The following SUCLG2 variants were observed in gnomAD, a reference collection of about 807,000 sequenced individuals.
SUCLG2 encodes succinate--CoA ligase [GDP-forming] subunit beta, mitochondrial.
Under a neutral mutation model 47.9 loss-of-function variants are expected in SUCLG2, and 42 were observed. The observed-to-expected ratio is 0.88, with a 90% confidence interval of 0.69 to 1.14. SUCLG2 has a LOEUF of 1.14. SUCLG2 is among the 50% of genes most tolerant of loss of function. The pLI is 0.00. For missense variants in SUCLG2, 571 were observed against 525.9 expected, an observed-to-expected ratio of 1.09 and a Z score of -0.84; for synonymous variants, 195 against 197.3, an observed-to-expected ratio of 0.99 and a Z score of 0.10.
chr3:67,488,070 TTATATGA>T (rs1705104343), intron 9 of SUCLG2, among the ~76,000 whole-genome samples: 1 of 151,990 alleles, frequency 6.6e-6, no homozygotes, highest in African/African-American at 2.4e-5. Flanking sequence ...ATATTGTCAA[TTATATGA>T]TATAAGTCTA....
chr3:67,639,202 T>A (rs1277322980), intron 1 of SUCLG2, among the ~76,000 whole-genome samples: 2 of 152,208 alleles, frequency 1.3e-5, no homozygotes, highest in Non-Finnish European at 2.9e-5. Flanking sequence ...TATCAGTAAT[T>A]TACCAAGCCC....
intron 10 of SUCLG2, among the ~76,000 whole-genome samples, chr3:67,363,842 C>T (rs911486052): frequency 5.5e-5 from 8 of 145,998 alleles, no homozygotes; most frequent in African/African-American, 1.8e-4. Context: ...AATTTCTGGA[C>T]ATTCTACATC....
chr3:67,625,909 G>C (rs1700818199), intron 1 of SUCLG2, among the ~76,000 whole-genome samples: 1 of 152,048 alleles, frequency 6.6e-6, no homozygotes, highest in African/African-American at 2.4e-5. Context: ...GAGTGCCCCT[G>C]GTAGAGGAGA....
chr3:67,417,397 T>C (rs1289360558), intron 9 of SUCLG2, among the ~76,000 whole-genome samples: 1 of 152,240 alleles, frequency 6.6e-6, no homozygotes, highest in Non-Finnish European at 1.5e-5. Flanking sequence ...TTTCTTCCCT[T>C]AAACAACTGT....
At chr3:67,580,886 G>A (rs904089353) in intron 2 of SUCLG2, among the ~76,000 whole-genome samples, 1 of 152,174 alleles carries the variant, frequency 6.6e-6, no homozygotes, top group Admixed American at 6.5e-5. Context: ...ATTGTTTAGA[G>A]CTGTTTATAA....
At chr3:67,576,187 G>A (rs999180538) in intron 2 of SUCLG2, among the ~76,000 whole-genome samples, 1 of 152,186 alleles carries the variant, frequency 6.6e-6, no homozygotes, top group Admixed American at 6.5e-5. Flanking sequence ...AATCAACAGA[G>A]TAGCAAACAG....
intron 6 of SUCLG2, 109 bp downstream of exon 6, chr3:67,518,137 CA>C: frequency 1.1e-6 from 1 of 924,656 alleles, no homozygotes. Context: ...AATTATAAAA[CA>C]ATAAATAATC....
chr3:67,381,182 C>G (rs1009796190), intron 10 of SUCLG2, among the ~76,000 whole-genome samples: 3 of 129,346 alleles, frequency 2.3e-5, no homozygotes, highest in African/African-American at 9.2e-5. Context: ...CTTCTATTTT[C>G]AAAATAAATA....
intron 2 of SUCLG2, among the ~76,000 whole-genome samples, chr3:67,533,446 T>C (rs1254855408): frequency 1.3e-5 from 2 of 152,168 alleles, no homozygotes; most frequent in African/African-American, 2.4e-5. Flanking sequence ...CACAACTGCA[T>C]CGTGTAATAT....
chr3:67,395,275 C>G (rs1186774059), intron 10 of SUCLG2, among the ~76,000 whole-genome samples: 2 of 151,978 alleles, frequency 1.3e-5, no homozygotes, highest in East Asian at 1.9e-4. Flanking sequence ...ATTCAGGAAA[C>G]CCATCTCATG....
intron 2 of SUCLG2, among the ~76,000 whole-genome samples, chr3:67,580,160 A>C (rs1233818734): frequency 6.6e-6 from 1 of 152,200 alleles, no homozygotes; most frequent in African/African-American, 2.4e-5. Flanking sequence ...TCATGGAATA[A>C]AGAATACAAC....
intron 4 of SUCLG2, among the ~76,000 whole-genome samples, chr3:67,527,762 GC>G (rs1324311273): frequency 2.6e-5 from 4 of 152,106 alleles, no homozygotes; most frequent in African/African-American, 9.7e-5. Context: ...TGACAGACAC[GC>G]CTGGGGTTGA....
chr3:67,487,438 G>A (rs1705082563), intron 9 of SUCLG2, among the ~76,000 whole-genome samples: 1 of 151,734 alleles, frequency 6.6e-6, no homozygotes, highest in Non-Finnish European at 1.5e-5. Context: ...GTCAAGATGT[G>A]GGAAAACATG....
At chr3:67,417,764 T>C (rs1254742366) in intron 9 of SUCLG2, among the ~76,000 whole-genome samples, 1 of 152,080 alleles carries the variant, frequency 6.6e-6, no homozygotes, top group African/African-American at 2.4e-5. Flanking sequence ...GCCGGGGAGA[T>C]GAATGAACCA....
At chr3:67,408,132 G>A (rs1702857239) in intron 9 of SUCLG2, among the ~76,000 whole-genome samples, 1 of 152,166 alleles carries the variant, frequency 6.6e-6, no homozygotes, top group Non-Finnish European at 1.5e-5. Context: ...GCCTTCTGCT[G>A]AAATTATGGC....
At chr3:67,394,064 G>C (rs548858635) in intron 10 of SUCLG2, among the ~76,000 whole-genome samples, 58 of 152,218 alleles carry the variant, frequency 3.8e-4, no homozygotes, top group Non-Finnish European at 7.8e-4. Flanking sequence ...AAACCACAAA[G>C]ATGGGGAAAA....
rs950169006 is a variant in SUCLG2, at chr3:67,511,156, G to A, written c.661-2253C>T. On this transcript the variant is annotated intron_variant, in intron 6 of 10. Coordinates refer to ENST00000307227, the MANE Select transcript of SUCLG2 (RefSeq NM_003848.4). ...CCCACCTCAGCCTCCCAAAGGTGCT[G>A]GGATTACAGGCATGAGCCACTGCGC... Among the ~76,000 whole-genome samples, 5 of 152,110 alleles carry A rather than the reference G, an allele frequency of 3.3e-5. No homozygotes were observed. In the East Asian group the frequency reaches 9.6e-4, roughly 29 times the overall value.
chr3:67,380,507 C>T (rs76671578), intron 10 of SUCLG2, among the ~76,000 whole-genome samples: 2,113 of 152,318 alleles, frequency 0.014, 51 homozygotes, highest in African/African-American at 0.048. Context: ...TTTAATTATA[C>T]TTGCAGTTAC....
chr3:67,444,199 A>G (rs1703862207), intron 9 of SUCLG2, among the ~76,000 whole-genome samples: 1 of 43,796 alleles, frequency 2.3e-5, no homozygotes, highest in African/African-American at 8.1e-5. Flanking sequence ...CCCGTCCGGG[A>G]GGTGAGGGGC....
Sources: allele counts gnomAD v4.1 joint callset (sites outside exome capture counted in the v4.1 genomes callset), GRCh38; gene constraint gnomAD v4.1.1; transcripts MANE v1.5; gene names NCBI Gene and HGNC (gene_info 2026-07-23, HGNC 2026-07-21).